IQCJ: variants seen among roughly 807,000 people sequenced by gnomAD.
IQCJ encodes IQ motif containing J, also known as IQ domain-containing protein J.
Under a neutral mutation model 11.0 loss-of-function variants are expected in IQCJ, and 9 were observed. The observed-to-expected ratio is 0.82, with a 90% CI of 0.49 to 1.43. The LOEUF is 1.43. Ranked by LOEUF, IQCJ falls within the 40% of genes most tolerant of loss-of-function variation. The pLI, the probability that IQCJ is intolerant of heterozygous loss-of-function variation, is 0.00. For missense variants in IQCJ, 146 were observed against 133.2 expected (o/e 1.10, Z -0.47); for synonymous variants, 55 against 51.3 (o/e 1.07, Z -0.31).
At chr3:159,140,566 C>A (rs1285508478) in intron 1 of IQCJ, among the ~76,000 whole-genome samples, 1 of 152,076 alleles carries the variant, frequency 6.6e-6, no homozygotes, top group East Asian at 1.9e-4. Flanking sequence ...CACAGGGATA[C>A]CCAAGAGCAA....
At chr3:159,252,394 G>A (rs148710333) in intron 2 of IQCJ, among the ~76,000 whole-genome samples, 52 of 152,222 alleles carry the variant, frequency 3.4e-4, no homozygotes, top group African/African-American at 1.2e-3. Flanking sequence ...CCAGTATCAT[G>A]GAATTTATAA....
At chr3:159,130,040 T>C (rs753562100) in intron 1 of IQCJ, among the ~76,000 whole-genome samples, 5 of 152,120 alleles carry the variant, frequency 3.3e-5, no homozygotes, top group South Asian at 2.1e-4. Context: ...AGTTCCACCA[T>C]AGGATTTCTA....
At chr3:159,101,277 C>T (rs939725323) in intron 1 of IQCJ, among the ~76,000 whole-genome samples, 1 of 150,838 alleles carries the variant, frequency 6.6e-6, no homozygotes, top group Non-Finnish European at 1.5e-5. Context: ...CTGGCACTCC[C>T]TAGTGAGATG....
intron 1 of IQCJ, among the ~76,000 whole-genome samples, chr3:159,166,768 T>G (rs1324421419): frequency 5.3e-5 from 8 of 152,164 alleles, no homozygotes; most frequent in Non-Finnish European, 8.8e-5. Context: ...AATCAGCCAG[T>G]AGCTGATTTC....
In IQCJ at chr3:159,095,373, T is replaced by G. The variant is rs570815390; in HGVS notation, c.9+25932T>G. 1.7e-3 allele frequency among the ~76,000 whole-genome samples: 264 copies of G among 151,386 alleles called. 2 individuals are homozygous for G. Among genetic ancestry groups the G allele is most frequent in the Middle Eastern group, 3.4e-3 (1 of 294 alleles). On this transcript the variant is annotated intron_variant, in intron 1 of 3. Coordinates refer to ENST00000397832, the MANE Select transcript of IQCJ (RefSeq NM_001042706.3). The stretch of plus-strand genomic sequence containing the variant: ...AATTTATTTTATTTTATTTTATTTT[T>G]TTTATTATACTCTAAGTTTTAGGGT...
intron 1 of IQCJ, among the ~76,000 whole-genome samples, chr3:159,078,681 A>G (rs1217498809): frequency 5.3e-5 from 8 of 152,080 alleles, no homozygotes; most frequent in Non-Finnish European, 1.2e-4. Context: ...AGACCCAGGA[A>G]TGGCAAATTG....
chr3:159,108,905 T>C (rs1718437873), intron 1 of IQCJ, among the ~76,000 whole-genome samples: 1 of 152,166 alleles, frequency 6.6e-6, no homozygotes, highest in Non-Finnish European at 1.5e-5. Flanking sequence ...GACCAGATGG[T>C]AGAGGAGGGA....
intron 1 of IQCJ, among the ~76,000 whole-genome samples, chr3:159,115,143 G>A (rs933417150): frequency 6.6e-6 from 1 of 152,182 alleles, no homozygotes; most frequent in Non-Finnish European, 1.5e-5. Context: ...TTGTTGACAA[G>A]CAATCCCCAA....
intron 1 of IQCJ, among the ~76,000 whole-genome samples, chr3:159,103,787 A>T (rs1207557082): frequency 6.6e-6 from 1 of 152,236 alleles, no homozygotes; most frequent in African/African-American, 2.4e-5. Flanking sequence ...AGAAAGGAAC[A>T]CTTTAAATGC....
At chr3:159,191,467 C>T (rs991445938) in intron 1 of IQCJ, among the ~76,000 whole-genome samples, 1 of 152,130 alleles carries the variant, frequency 6.6e-6, no homozygotes, top group Non-Finnish European at 1.5e-5. Flanking sequence ...GATTTTTCCT[C>T]AGGGTGGGAG....
intron 1 of IQCJ, among the ~76,000 whole-genome samples, chr3:159,182,022 G>T (rs1723119552): frequency 6.6e-6 from 1 of 151,358 alleles, no homozygotes; most frequent in Non-Finnish European, 1.5e-5. Context: ...TATGTGACTT[G>T]ACCCCTGCAC....
At position 159,115,201 on chromosome 3, in the gene IQCJ, G is replaced by A. The variant is rs899407750; in HGVS notation, c.9+45760G>A. ...AAAGTTTATTTCTTGTCCACTCTCC[G>A]TTTTGGATTTGTGAAGGAATAGAGA... On this transcript the variant is annotated intron_variant, in intron 1 of 3. Transcript: ENST00000397832. Among the ~76,000 whole-genome samples, 12 of 152,216 alleles carry A rather than the reference G, an allele frequency of 7.9e-5. No homozygotes were observed. The East Asian group carries it at 1.7e-3, about 22-fold the overall frequency.
chr3:159,194,283 T>C (rs987233677), intron 1 of IQCJ, among the ~76,000 whole-genome samples: 1 of 152,188 alleles, frequency 6.6e-6, no homozygotes, highest in Non-Finnish European at 1.5e-5. Context: ...TACTTGGCCA[T>C]CAATATCCTG....
intron 1 of IQCJ, among the ~76,000 whole-genome samples, chr3:159,085,306 C>A (rs1258212059): frequency 6.6e-6 from 1 of 150,976 alleles, no homozygotes; most frequent in African/African-American, 2.4e-5. Context: ...TTTTCTTAAT[C>A]CAGTCTATCA....
intron 3 of IQCJ, among the ~76,000 whole-genome samples, chr3:159,262,089 G>C (rs981340430): frequency 1.5e-4 from 23 of 152,226 alleles, no homozygotes; most frequent in Non-Finnish European, 2.9e-5. Flanking sequence ...GTGCACGGCA[G>C]AGTCCCTGTT....
At chr3:159,248,840 C>A (rs1208567045) in intron 2 of IQCJ, among the ~76,000 whole-genome samples, 2 of 151,648 alleles carry the variant, frequency 1.3e-5, no homozygotes, top group Non-Finnish European at 2.9e-5. Flanking sequence ...TAAACCTGGC[C>A]ATGCTGGTTT....
At chr3:159,080,227 A>G (rs144670852) in intron 1 of IQCJ, among the ~76,000 whole-genome samples, 1 of 152,162 alleles carries the variant, frequency 6.6e-6, no homozygotes, top group African/African-American at 2.4e-5. Context: ...TTGGTGGAAT[A>G]TAATGGAAAA....
intron 1 of IQCJ, among the ~76,000 whole-genome samples, chr3:159,194,037 G>T (rs1191645446): frequency 6.6e-6 from 1 of 152,164 alleles, no homozygotes; most frequent in Non-Finnish European, 1.5e-5. Context: ...CTCTGTGTAT[G>T]GTTACTTGAG....
At chr3:159,196,533 A>G (rs1723993839) in intron 1 of IQCJ, among the ~76,000 whole-genome samples, 1 of 152,210 alleles carries the variant, frequency 6.6e-6, no homozygotes, top group Non-Finnish European at 1.5e-5. Context: ...GGTGATTACA[A>G]TATGCAGCCA....
Sources: allele counts gnomAD v4.1 joint callset (sites outside exome capture counted in the v4.1 genomes callset), GRCh38; gene constraint gnomAD v4.1.1; transcripts MANE v1.5; gene names NCBI Gene and HGNC (gene_info 2026-07-23, HGNC 2026-07-21).